The following ADARB2 variants were observed in gnomAD, a reference collection of about 807,000 sequenced individuals.
The protein encoded by ADARB2 is adenosine deaminase RNA specific B2 (inactive), also known as inactive double-stranded RNA-specific editase B2.
ADARB2 carries 25 observed loss-of-function variants against 62.2 expected under a neutral mutation model. The observed-to-expected ratio is 0.40, with a 90% CI of 0.29 to 0.56. The LOEUF (loss-of-function observed/expected upper bound fraction) is 0.56. Ranked by LOEUF, ADARB2 falls within the 20% of genes least tolerant of loss-of-function variation. The pLI is 0.43. For synonymous variants in ADARB2, 572 were observed against 500.8 expected (o/e 1.14, Z -1.90); for missense variants, 1,071 against 1,077.4 (o/e 0.99, Z 0.08).
chr10:1,459,145 G>T (rs559755384), intron 1 of ADARB2, among the ~76,000 whole-genome samples: 53 of 152,236 alleles, frequency 3.5e-4, no homozygotes, highest in African/African-American at 1.2e-3. Context: ...ATTCCTCAAA[G>T]AACCATTTGA....
At chr10:1,522,351 C>T (rs991995180) in intron 1 of ADARB2, among the ~76,000 whole-genome samples, 3 of 152,170 alleles carry the variant, frequency 2.0e-5, no homozygotes, top group Non-Finnish European at 1.5e-5. Flanking sequence ...CAGGACACTG[C>T]CTCTAAGAGG....
intron 1 of ADARB2, among the ~76,000 whole-genome samples, chr10:1,730,617 GA>G (rs1386541540): frequency 1.3e-5 from 2 of 149,868 alleles, no homozygotes; most frequent in East Asian, 3.9e-4. Context: ...TAAGTCACCT[GA>G]GCATTTATAT....
chr10:1,732,707 G>T (rs1339944771), intron 1 of ADARB2, among the ~76,000 whole-genome samples: 2 of 152,240 alleles, frequency 1.3e-5, no homozygotes, highest in African/African-American at 4.8e-5. Flanking sequence ...TCCCTGGCCA[G>T]CCAGGGTGAC....
At chr10:1,324,438 T>C (rs1831824979) in intron 3 of ADARB2, among the ~76,000 whole-genome samples, 1 of 152,250 alleles carries the variant, frequency 6.6e-6, no homozygotes, top group Non-Finnish European at 1.5e-5. Context: ...TTTGTAGTGA[T>C]GTTTATAGCA....
chr10:1,188,198 G>A (rs998482090), intron 8 of ADARB2: 1 of 152,378 alleles, frequency 6.6e-6, no homozygotes, highest in African/African-American at 2.4e-5. Flanking sequence ...GTGATGTGAA[G>A]ATCAAACCAG....
intron 1 of ADARB2, among the ~76,000 whole-genome samples, chr10:1,665,523 A>C (rs1451238647): frequency 6.6e-6 from 1 of 152,260 alleles, no homozygotes; most frequent in East Asian, 1.9e-4. Context: ...GGGAATCCCC[A>C]GGCACCCCAC....
intron 1 of ADARB2, among the ~76,000 whole-genome samples, chr10:1,473,085 T>C (rs1040386172): frequency 2.0e-5 from 3 of 152,112 alleles, no homozygotes; most frequent in Non-Finnish European, 2.9e-5. Flanking sequence ...CGTGGGGCCC[T>C]GGAAGCATGA....
intron 1 of ADARB2, among the ~76,000 whole-genome samples, chr10:1,572,977 G>C (rs1480744269): frequency 1.3e-5 from 2 of 152,246 alleles, no homozygotes; most frequent in African/African-American, 4.8e-5. Flanking sequence ...CACTGCCCCC[G>C]AGTGCTCATT....
At chr10:1,285,691 C>T (rs991777474) in intron 3 of ADARB2, among the ~76,000 whole-genome samples, 16 of 152,214 alleles carry the variant, frequency 1.1e-4, no homozygotes, top group South Asian at 2.1e-4. Flanking sequence ...CTATTGGCTC[C>T]GATTACCATG....
intron 2 of ADARB2, among the ~76,000 whole-genome samples, chr10:1,375,224 A>G (rs1434546929): frequency 6.6e-6 from 1 of 152,116 alleles, no homozygotes; most frequent in East Asian, 1.9e-4. Flanking sequence ...TCGGATCCCA[A>G]CCTCTGGGCG....
At chr10:1,573,437 G>A (rs1832967269) in intron 1 of ADARB2, among the ~76,000 whole-genome samples, 1 of 152,186 alleles carries the variant, frequency 6.6e-6, no homozygotes, top group Admixed American at 6.5e-5. Context: ...AGCGGAAACT[G>A]GTGAGGCCGA....
chr10:1,347,917 GACAGAC>G (rs763886685), intron 3 of ADARB2, among the ~76,000 whole-genome samples: 179 of 152,144 alleles, frequency 1.2e-3, no homozygotes, highest in Middle Eastern at 3.4e-3. Flanking sequence ...CGGAGACAGA[GACAGAC>G]ACAGAGACAG....
At chr10:1,569,763 T>C (rs1332129121) in intron 1 of ADARB2, among the ~76,000 whole-genome samples, 1 of 152,160 alleles carries the variant, frequency 6.6e-6, no homozygotes, top group Non-Finnish European at 1.5e-5. Flanking sequence ...AGTATCATTT[T>C]TTTTTAAAAA....
chr10:1,588,615 AT>A (rs934838850), intron 1 of ADARB2, among the ~76,000 whole-genome samples: 5 of 152,170 alleles, frequency 3.3e-5, no homozygotes, highest in African/African-American at 1.2e-4. Context: ...AAACCTTTCT[AT>A]GCCTGATACC....
chr10:1,225,146 A>T (rs1452664742), intron 6 of ADARB2, among the ~76,000 whole-genome samples: 1 of 152,076 alleles, frequency 6.6e-6, no homozygotes, highest in Non-Finnish European at 1.5e-5. Context: ...CTTCTTGTTG[A>T]ATTGATCCCT....
At chr10:1,602,530 TG>T (rs1833430461) in intron 1 of ADARB2, among the ~76,000 whole-genome samples, 1 of 152,156 alleles carries the variant, frequency 6.6e-6, no homozygotes, top group Non-Finnish European at 1.5e-5. Flanking sequence ...CTTTTGTCAT[TG>T]GAGAAACTGA....
chr10:1,734,942 T>C (rs1835282046), intron 1 of ADARB2, among the ~76,000 whole-genome samples: 1 of 151,630 alleles, frequency 6.6e-6, no homozygotes, highest in African/African-American at 2.4e-5. Context: ...ATAGATGAAG[T>C]AATCAATTCC....
At chr10:1,691,668 A>G (rs1043277445) in intron 1 of ADARB2, among the ~76,000 whole-genome samples, 10 of 152,198 alleles carry the variant, frequency 6.6e-5, no homozygotes, top group African/African-American at 1.7e-4. Flanking sequence ...GGCTCCTAGA[A>G]TCATTTCAGG....
At chr10:1,571,595 C>G (rs1156332944) in intron 1 of ADARB2, among the ~76,000 whole-genome samples, 1 of 152,218 alleles carries the variant, frequency 6.6e-6, no homozygotes, top group Non-Finnish European at 1.5e-5. Context: ...TTCATCTCCC[C>G]TTTCATTTAG....
Sources: gnomAD v4.1 joint callset for allele counts (sites outside exome capture counted in the v4.1 genomes callset) on GRCh38, gnomAD v4.1.1 for gene constraint, MANE v1.5 for transcripts, NCBI Gene and HGNC (gene_info 2026-07-23, HGNC 2026-07-21) for gene names.